The following PREP variants were observed in gnomAD, a reference collection of about 807,000 sequenced individuals.
PREP encodes the protein dJ355L5.1 (prolyl endopeptidase).
Under a neutral mutation model 87.6 loss-of-function variants are expected in PREP, and 29 were observed. The observed-to-expected ratio is 0.33, with a 90% CI of 0.25 to 0.45. The LOEUF (loss-of-function observed/expected upper bound fraction) is 0.45, where lower values mean the gene tolerates loss of function less well. PREP is among the 20% of genes least tolerant of loss of function. The probability of loss-of-function intolerance (pLI) is 1.00; values close to 1 mark genes in which losing one functional copy is unlikely to be tolerated. For synonymous variants in PREP, 337 were observed against 328.6 expected (o/e 1.03, Z -0.28); for missense variants, 695 against 886.5 (o/e 0.78, Z 2.74).
chr6:105,292,724 T>G lies in PREP; in HGVS notation c.1318-3830A>C, dbSNP rs539950637. Among the ~76,000 whole-genome samples, 4 of 152,356 alleles carry G rather than the reference T, an allele frequency of 2.6e-5. No homozygotes were observed. The South Asian group carries it at 8.3e-4, about 32-fold the overall frequency. On this transcript the variant is annotated intron_variant, in intron 10 of 14. Transcript: ENST00000652536. ...GATATCTTCTCCCAATATAAGGCTG[T>G]TCTGTCTACATTGAAAATCTGTTGT...
chr6:105,382,162 G>C, intron 2 of PREP, among the ~76,000 whole-genome samples: 1 of 151,830 alleles, frequency 6.6e-6, no homozygotes, highest in Non-Finnish European at 1.5e-5. Flanking sequence ...GGGAGATGTT[G>C]GTAAAAGGAC....
At chr6:105,351,915 G>A (rs558317662) in intron 7 of PREP, among the ~76,000 whole-genome samples, 8 of 152,196 alleles carry the variant, frequency 5.3e-5, no homozygotes, top group African/African-American at 1.7e-4. Context: ...TTTAACTCTA[G>A]GAAAAAAGTT....
At position 105,288,774 on chromosome 6, in the gene PREP, T is replaced by C. The variant is rs1216345523; in HGVS notation, c.1438A>G (p.Ile480Val). ...LYGYGGFNIS[I>V]TPNYSVSRLI... Reference sequence around the variant, plus strand: ...CGAGCTCACCTGTAGTTGGGTGTGATGGATATGTTGAAGCCGCCATAGCCA... The same window carrying C: ...CGAGCTCACCTGTAGTTGGGTGTGACGGATATGTTGAAGCCGCCATAGCCA... The change falls in exon 11 of 15, where the codon ATC becomes GTC. Residue 480 changes from isoleucine to valine, a missense_variant. Ile to Val is a conservative substitution (Grantham distance 29). Transcript: ENST00000652536. 6.2e-7 allele frequency: 1 copy of C among 1,614,088 alleles called. No homozygotes were observed. The highest frequency in any genetic ancestry group is 1.1e-5 in the South Asian group (1 of 91,074).
intron 10 of PREP, among the ~76,000 whole-genome samples, chr6:105,313,413 A>G (rs896251328): frequency 4.6e-5 from 7 of 152,262 alleles, no homozygotes; most frequent in African/African-American, 9.6e-5. Flanking sequence ...TATGGCAGAA[A>G]GCCAAAAACA....
intron 10 of PREP, among the ~76,000 whole-genome samples, chr6:105,293,853 G>A (rs1279039178): frequency 2.0e-5 from 3 of 152,090 alleles, no homozygotes; most frequent in South Asian, 2.1e-4. Flanking sequence ...AGACATTTTC[G>A]AAACAGCCAT....
Position 105,277,603 on chromosome 6 carries a change from A to ATGACT in PREP, c.*536_*540dup, listed in dbSNP as rs1309421843. 6 of 154,256 alleles carry ATGACT rather than the reference A, an allele frequency of 3.9e-5. No individual in the cohort carries two copies. Among genetic ancestry groups the ATGACT allele is most frequent in the African/African-American group, 4.9e-5 (2 of 41,116 alleles). The allele number at this position is 154,256 out of a possible 1,614,324, so 9.6% of individuals were successfully genotyped here. A position where few individuals can be genotyped will look rare whatever the true frequency, so the allele number is the denominator to read the frequency against. ...TATTTTCAAAGCTAACAAACATTCT[A>ATGACT]TGACTTAACTGCTTGAAAACTAACT... On this transcript the variant is annotated 3_prime_UTR_variant, in exon 15 of 15. Transcript: ENST00000652536.
chr6:105,288,912 A>G lies in PREP; in HGVS notation c.1318-18T>C, dbSNP rs1178346018. On this transcript the variant is annotated intron_variant, in intron 10 of 14. Coordinates refer to ENST00000652536, the MANE Select transcript of PREP (RefSeq NM_002726.5). ...TAGAAAATCTAGAATATAAGAAAGC[A>G]GAATATAAGATTTAGCATTACTTAG... 1 of 1,604,394 alleles carries G rather than the reference A, an allele frequency of 6.2e-7. No individual in the cohort carries two copies. The highest frequency in any genetic ancestry group is 8.5e-7 in the Non-Finnish European group (1 of 1,171,966).
chr6:105,305,447 G>GT (rs1354706550), intron 10 of PREP, among the ~76,000 whole-genome samples: 1 of 151,862 alleles, frequency 6.6e-6, no homozygotes, highest in Non-Finnish European at 1.5e-5. Flanking sequence ...CCATTTTTTT[G>GT]TTTTGCAAAG....
At chr6:105,317,226 G>T (rs766302331) in intron 10 of PREP, among the ~76,000 whole-genome samples, 3 of 151,860 alleles carry the variant, frequency 2.0e-5, no homozygotes, top group African/African-American at 4.8e-5. Context: ...TCAAAGTGCT[G>T]GGATTCCAGC....
chr6:105,372,387 G>T (rs2114707763), intron 5 of PREP, among the ~76,000 whole-genome samples: 1 of 152,258 alleles, frequency 6.6e-6, no homozygotes, highest in Non-Finnish European at 1.5e-5. Context: ...CTAACACAGG[G>T]ATTGTAAAAC....
chr6:105,393,721 G>C (rs1291212103), intron 2 of PREP, among the ~76,000 whole-genome samples: 1 of 151,768 alleles, frequency 6.6e-6, no homozygotes, highest in African/African-American at 2.4e-5. Flanking sequence ...CTCTGTTTTT[G>C]AGAATTTTCC....
At position 105,368,905 on chromosome 6, in the gene PREP, C is replaced by T. The variant is rs1772465044; in HGVS notation, c.715G>A (p.Glu239Lys). The T allele has an allele frequency of 1.2e-6, 2 of 1,613,962 alleles. No homozygotes were observed. The highest frequency in any genetic ancestry group is 1.7e-6 in the Non-Finnish European group (2 of 1,179,924). The change falls in exon 6 of 15, where the codon GAG becomes AAG. Residue 239 changes from glutamate to lysine, a missense_variant and splice_region_variant. Physicochemically the swap from Glu to Lys is moderately conservative, Grantham distance 56. Around this residue, in one of 5 missense-constraint regions of PREP, gnomAD observed 517 missense variants for 620.3 expected, o/e 0.83. Coordinates refer to ENST00000652536, the MANE Select transcript of PREP (RefSeq NM_002726.5). ...PDEPKWMGGA[E>K]LSDDGRYVLL... is the part of the protein sequence containing the mutation. ...AAAATTTCACAGCTGTACAATACCT[C>T]AGCTCCACCCATCCATTTAGGTTCA... is the stretch of plus-strand genomic sequence containing the variant.
rs1583029408 is a variant in PREP, at chr6:105,275,108, A to C, written c.*3036T>G. Among the ~76,000 whole-genome samples the C allele has an allele frequency of 6.6e-6, 1 of 152,068 alleles. No individual in the cohort carries two copies. The highest frequency in any genetic ancestry group is 2.1e-4 in the South Asian group (1 of 4,824). On this transcript the variant is annotated 3_prime_UTR_variant, in exon 15 of 15. Transcript: ENST00000652536. ...CAGTCCTCATCCCACTGGCCTGACC[A>C]CCCCAACAGTATGACCTTTGCCTCT... is the stretch of plus-strand genomic sequence containing the variant.
chr6:105,306,370 G>A lies in PREP; in HGVS notation c.1317+17295C>T, dbSNP rs969287009. Among the ~76,000 whole-genome samples, 10 of 152,202 alleles carry A rather than the reference G, an allele frequency of 6.6e-5. No individual in the cohort carries two copies. The East Asian group carries it at 1.2e-3, about 18-fold the overall frequency. On this transcript the variant is annotated intron_variant, in intron 10 of 14. Coordinates refer to ENST00000652536, the MANE Select transcript of PREP (RefSeq NM_002726.5). ...TGGAGTGCAAGAACGTTCATTCAGC[G>A]CATTTCCAGTAATATTTCTACTACC...
rs774977355 is a variant in PREP at position 105,278,292 on chromosome 6, C to T, written c.1985G>A (p.Arg662His). 54 of 1,614,060 alleles carry T rather than the reference C, an allele frequency of 3.3e-5. No homozygotes were observed. The highest frequency in any genetic ancestry group is 8.0e-5 in the African/African-American group (6 of 74,918). The change falls in exon 15 of 15, where the codon CGC becomes CAC. Residue 662 changes from arginine (R) to histidine (H), a missense_variant. Physicochemically the swap from Arg to His is conservative, Grantham distance 29. This residue lies in a region of PREP where 121 missense variants were observed against 154.8 expected (regional missense o/e 0.78). Coordinates refer to ENST00000652536, the MANE Select transcript of PREP (RefSeq NM_002726.5). This position sits in a 1 kb window ranked among gnomAD's most constrained non-coding sequence, Gnocchi z 4.2. ...CAGGGGGTTGCTTTGCTTCCTGCTG[C>T]GGCCCACGATGTACTGAAGGGTGGC... ...FIATLQYIVGRSRKQSNPLLI... is the reference protein window; with the variant it reads ...FIATLQYIVGHSRKQSNPLLI...
At chr6:105,385,352 A>T (rs1474749740) in intron 2 of PREP, among the ~76,000 whole-genome samples, 1 of 151,784 alleles carries the variant, frequency 6.6e-6, no homozygotes, top group South Asian at 2.1e-4. Flanking sequence ...TCAAGCAAAG[A>T]TGATGCTACA....
intron 7 of PREP, among the ~76,000 whole-genome samples, chr6:105,337,403 A>G (rs1771509227): frequency 6.6e-6 from 1 of 152,196 alleles, no homozygotes; most frequent in Non-Finnish European, 1.5e-5. Flanking sequence ...CAACCAAGTC[A>G]ACCTGAACTC....
chr6:105,313,348 T>C (rs1203601624), intron 10 of PREP, among the ~76,000 whole-genome samples: 1 of 152,150 alleles, frequency 6.6e-6, no homozygotes, highest in African/African-American at 2.4e-5. Context: ...GTGTAGCAGG[T>C]GGACAGCCCA....
chr6:105,282,419 A>G (rs1363265602), intron 13 of PREP, 32 bp downstream of exon 13: 1 of 1,602,146 alleles, frequency 6.2e-7, no homozygotes. Context: ...AGGGCTAACT[A>G]GTAAGTGCAA....
Sources: allele counts gnomAD v4.1 joint callset (sites outside exome capture counted in the v4.1 genomes callset), GRCh38; gene constraint gnomAD v4.1.1; regional missense constraint gnomAD v4.1.1; non-coding constraint Gnocchi (gnomAD v3.1); transcripts MANE v1.5; gene names NCBI Gene and HGNC (gene_info 2026-07-23, HGNC 2026-07-21).